PIWIL1: variants seen among roughly 807,000 people sequenced by gnomAD.
PIWIL1 encodes piwi like RNA-mediated gene silencing 1.
Under a neutral mutation model 114.4 loss-of-function variants are expected in PIWIL1, and 73 were observed. The ratio of observed to expected loss-of-function variants is 0.64; its 90% CI spans 0.53 to 0.78. The LOEUF is 0.78. Ranked by LOEUF, PIWIL1 falls within the 30% of genes least tolerant of loss-of-function variation. The pLI is 0.00. For synonymous variants in PIWIL1, 375 were observed against 369.0 expected, an observed-to-expected ratio of 1.02 and a Z score of -0.19; for missense variants, 723 against 1,063.1, an observed-to-expected ratio of 0.68 and a Z score of 4.45.
At chr12:130,338,891 C>T (rs1009745467) in intron 1 of PIWIL1, among the ~76,000 whole-genome samples, 1 of 142,846 alleles carries the variant, frequency 7.0e-6, no homozygotes, top group African/African-American at 2.6e-5. Flanking sequence ...GGGGCGAGGT[C>T]CCAGGTGCAG....
intron 8 of PIWIL1, 76 bp downstream of exon 8, chr12:130,349,512 A>G: frequency 1.0e-6 from 1 of 984,158 alleles, no homozygotes; most frequent in Non-Finnish European, 1.5e-6. Context: ...TACCATGTTA[A>G]GAAATAGTGT....
the PIWIL1 span, among the ~76,000 whole-genome samples, chr12:130,421,971 G>T: frequency 2.6e-5 from 4 of 152,304 alleles, no homozygotes; most frequent in African/African-American, 9.6e-5. Context: ...ATGGATGTGG[G>T]GAGCACACAT....
chr12:130,343,464 C>T (rs141831436), intron 3 of PIWIL1, among the ~76,000 whole-genome samples: 13 of 152,226 alleles, frequency 8.5e-5, no homozygotes, highest in African/African-American at 2.9e-4. Flanking sequence ...TCTCACTGCT[C>T]TTTAGGGATT....
chr12:130,356,649 G>A lies in PIWIL1; in HGVS notation c.1405-269G>A, dbSNP rs1396330935. On this transcript the variant is annotated intron_variant, in intron 12 of 20. Coordinates refer to ENST00000245255, the MANE Select transcript of PIWIL1 (RefSeq NM_004764.5). ...TTTTTTAAAAGATTAAGGAGAATGCGACTAAAGCACTTAGGGAAGTACCTG... is the reference window on the plus strand; with the variant it reads ...TTTTTTAAAAGATTAAGGAGAATGCAACTAAAGCACTTAGGGAAGTACCTG... Among the ~76,000 whole-genome samples, 9 of 152,250 alleles carry A rather than the reference G, an allele frequency of 5.9e-5. No homozygotes were observed. The East Asian group carries it at 9.6e-4, about 16-fold the overall frequency.
At chr12:130,389,137 C>A in the PIWIL1 span, among the ~76,000 whole-genome samples, 1 of 152,046 alleles carries the variant, frequency 6.6e-6, no homozygotes, top group Non-Finnish European at 1.5e-5. Context: ...TTCAATCATT[C>A]TTGCATTCCT....
intron 1 of PIWIL1, 46 bp from the exon 2 acceptor site, chr12:130,342,534 C>T (rs546826811): frequency 8.3e-6 from 9 of 1,085,810 alleles, no homozygotes; most frequent in African/African-American, 4.6e-5. Flanking sequence ...TTATCAAATG[C>T]GATTGCCTCC....
downstream of PIWIL1, among the ~76,000 whole-genome samples, chr12:130,375,339 A>G (rs975295040): frequency 6.6e-6 from 1 of 152,222 alleles, no homozygotes; most frequent in East Asian, 1.9e-4. Flanking sequence ...AATGCTGTCA[A>G]TACATGTATG....
the PIWIL1 span, chr12:130,426,153 G>A: frequency 6.6e-6 from 1 of 152,316 alleles, no homozygotes; most frequent in African/African-American, 2.4e-5. Flanking sequence ...GTGCCCATCA[G>A]GGATCCGGCT....
chr12:130,353,132 T>A (rs1475326527), intron 9 of PIWIL1, among the ~76,000 whole-genome samples: 1 of 152,212 alleles, frequency 6.6e-6, no homozygotes, highest in Non-Finnish European at 1.5e-5. Context: ...TGTGATGATG[T>A]TCCTCTGGTG....
Position 130,346,978 on chromosome 12 carries a change from A to T in PIWIL1, c.569A>T (p.Asp190Val). The change falls in exon 6 of 21, where the codon GAT becomes GTT. Residue 190 changes from aspartate (D) to valine (V), a missense_variant. By Grantham distance (152) the Asp-to-Val change is radical. Transcript: ENST00000245255. ...EVFSKTRNGEDVRITITLTNE... is the reference protein window; with the variant it reads ...EVFSKTRNGEVVRITITLTNE... ...TTTAGTAAGACCCGGAATGGAGAGGATGTGAGGATAACGATCACTTTAACA... is the reference window on the plus strand; with the variant it reads ...TTTAGTAAGACCCGGAATGGAGAGGTTGTGAGGATAACGATCACTTTAACA... 6.2e-7 allele frequency: 1 copy of T among 1,613,792 alleles called. No individual in the cohort carries two copies. Among genetic ancestry groups the T allele is most frequent in the African/African-American group, 1.3e-5 (1 of 75,062 alleles).
At chr12:130,343,471 G>A (rs1033547207) in intron 3 of PIWIL1, among the ~76,000 whole-genome samples, 8 of 152,140 alleles carry the variant, frequency 5.3e-5, no homozygotes, top group African/African-American at 1.9e-4. Context: ...GCTCTTTAGG[G>A]ATTATACCTG....
At chr12:130,357,590 A>G (rs1461291893) in intron 14 of PIWIL1, 37 bp downstream of exon 14, 8 of 1,415,834 alleles carry the variant, frequency 5.7e-6, no homozygotes, top group Middle Eastern at 1.8e-4. Context: ...GTTTTCGGTG[A>G]AAGAGCTTTT....
the PIWIL1 span, among the ~76,000 whole-genome samples, chr12:130,413,959 G>A: frequency 6.6e-6 from 1 of 152,230 alleles, no homozygotes; most frequent in Non-Finnish European, 1.5e-5. Flanking sequence ...TTTGCAGAGG[G>A]CAGGGCCCTT....
At chr12:130,367,069 G>T in intron 18 of PIWIL1, 64 bp from the exon 19 acceptor site, 1 of 1,591,222 alleles carries the variant, frequency 6.3e-7, no homozygotes, top group South Asian at 1.1e-5. Context: ...GTGAACACCT[G>T]AATGAATGAG....
At chr12:130,396,256 A>G in the PIWIL1 span, 1 of 152,700 alleles carries the variant, frequency 6.5e-6, no homozygotes, top group East Asian at 1.9e-4. Flanking sequence ...ACATACTATT[A>G]TATTACAATT....
chr12:130,411,066 G>A, the PIWIL1 span, among the ~76,000 whole-genome samples: 1 of 152,158 alleles, frequency 6.6e-6, no homozygotes, highest in African/African-American at 2.4e-5. Context: ...CACGTGTTTT[G>A]TTAGACTTAA....
intron 6 of PIWIL1, 46 bp downstream of exon 6, chr12:130,347,108 A>AAAT (rs777303606): frequency 7.3e-7 from 1 of 1,373,624 alleles, no homozygotes; most frequent in Admixed American, 1.8e-5. Context: ...AGCAAAGTTG[A>AAAT]AATAATTGTA....
chr12:130,347,111 T>A, intron 6 of PIWIL1, 49 bp downstream of exon 6: 3 of 1,331,872 alleles, frequency 2.3e-6, no homozygotes, highest in Non-Finnish European at 3.2e-6. Context: ...AAAGTTGAAA[T>A]AATTGTACAT....
At chr12:130,344,448 C>CGTGATATTTAAAACTTCTGAT (rs1319646035) in intron 3 of PIWIL1, among the ~76,000 whole-genome samples, 3 of 152,112 alleles carry the variant, frequency 2.0e-5, no homozygotes, top group South Asian at 2.1e-4. Flanking sequence ...GTGCTTTAGA[C>CGTGATATTTAAAACTTCTGAT]GTGATATTTA....
Sources: allele counts gnomAD v4.1 joint callset (sites outside exome capture counted in the v4.1 genomes callset), GRCh38; gene constraint gnomAD v4.1.1; transcripts MANE v1.5; gene names NCBI Gene and HGNC (gene_info 2026-07-23, HGNC 2026-07-21).